NBAS: variants seen among roughly 807,000 people sequenced by gnomAD.
The protein encoded by NBAS is NAG/BC035112 fusion.
In NBAS, 219 loss-of-function variants were observed where a neutral mutation model predicts 302.5. The ratio of observed to expected loss-of-function variants is 0.72; its 90% CI spans 0.65 to 0.81. The LOEUF (loss-of-function observed/expected upper bound fraction) is 0.81. Among genes scored for constraint, NBAS ranks in the 30% least tolerant of loss-of-function variants. The pLI is 0.00. For synonymous variants in NBAS, 1,118 were observed against 1,021.6 expected (o/e 1.09, Z -1.80); for missense variants, 2,932 against 2,841.6 (o/e 1.03, Z -0.72).
the NBAS span, among the ~76,000 whole-genome samples, chr2:15,138,192 G>A: frequency 6.6e-5 from 10 of 152,236 alleles, no homozygotes; most frequent in East Asian, 1.9e-4. Flanking sequence ...GACAGCTAGC[G>A]AAAGTAAGAA....
the NBAS span, among the ~76,000 whole-genome samples, chr2:14,820,632 T>C: frequency 6.6e-6 from 1 of 152,186 alleles, no homozygotes; most frequent in Non-Finnish European, 1.5e-5. Flanking sequence ...CTATAGTCAA[T>C]AATAATTTAA....
chr2:15,190,368 G>C lies in NBAS; in HGVS notation c.6468C>G (p.Arg2156=). 2 of 1,613,952 alleles carry C rather than the reference G, an allele frequency of 1.2e-6. No individual in the cohort carries two copies. The highest frequency in any genetic ancestry group is 1.7e-6 in the Non-Finnish European group (2 of 1,179,898). The change falls in exon 49 of 52, where the codon CGC becomes CGG. Residue 2156 remains arginine, a synonymous_variant. Transcript: ENST00000281513. ...CCAGGAGTTCCATGAATAGACAGTA[G>C]CGGTTCTCTTCATTCTCAATGTCAG... ...DIADIENEEN[R]YCLFMELLES... is the part of the protein sequence containing the mutation.
At chr2:14,895,596 G>C in the NBAS span, among the ~76,000 whole-genome samples, 2 of 152,100 alleles carry the variant, frequency 1.3e-5, no homozygotes, top group Admixed American at 1.3e-4. Context: ...AAAATTAGCC[G>C]GGTGTGGTAG....
the NBAS span, among the ~76,000 whole-genome samples, chr2:15,011,839 A>C: frequency 6.6e-6 from 1 of 151,226 alleles, no homozygotes; most frequent in East Asian, 2.0e-4. Context: ...CTACACAGAG[A>C]CTACACTACT....
chr2:14,881,476 T>G, the NBAS span, among the ~76,000 whole-genome samples: 1 of 152,176 alleles, frequency 6.6e-6, no homozygotes, highest in South Asian at 2.1e-4. Context: ...CAATTACTCA[T>G]GTAACAAATC....
At chr2:15,473,171 G>T in intron 16 of NBAS, 51 bp downstream of exon 16, 1 of 1,593,836 alleles carries the variant, frequency 6.3e-7, no homozygotes, top group Non-Finnish European at 8.6e-7. Context: ...ATAAACAAAA[G>T]ATATTACATG....
At chr2:15,121,849 G>T in the NBAS span, among the ~76,000 whole-genome samples, 1 of 152,058 alleles carries the variant, frequency 6.6e-6, no homozygotes, top group Non-Finnish European at 1.5e-5. Flanking sequence ...ACAAATCGGG[G>T]TTTTGAAGTT....
chr2:14,895,612 G>C, the NBAS span, among the ~76,000 whole-genome samples: 1 of 152,028 alleles, frequency 6.6e-6, no homozygotes, highest in Admixed American at 6.5e-5. Flanking sequence ...GGTAGCGGGC[G>C]CCTGTAGTCC....
At chr2:14,871,747 T>C in the NBAS span, among the ~76,000 whole-genome samples, 1 of 152,162 alleles carries the variant, frequency 6.6e-6, no homozygotes, top group African/African-American at 2.4e-5. Flanking sequence ...ACTAAGATAA[T>C]CATTAAAATA....
At chr2:15,462,090 T>C (rs187485277) in intron 19 of NBAS, among the ~76,000 whole-genome samples, 1 of 152,352 alleles carries the variant, frequency 6.6e-6, no homozygotes, top group Non-Finnish European at 1.5e-5. Context: ...AAGCAACAGT[T>C]ATTCATGACA....
chr2:15,554,092 T>G lies in NBAS; in HGVS notation c.256A>C (p.Lys86Gln), dbSNP rs200344246. Residue 86 changes from lysine to glutamine, a missense_variant, in exon 4 of 52, where the codon AAA (lysine) becomes CAA (glutamine). Coordinates refer to ENST00000281513, the MANE Select transcript of NBAS (RefSeq NM_015909.4). ...LPDGLVRLVN[K>Q]QINWHLVLAS... ...AGTACCAAATGCCAGTTTATCTGTTTATTAACCAAGCGAACCAGTCCATCA... is the reference window on the plus strand; with the variant it reads ...AGTACCAAATGCCAGTTTATCTGTTGATTAACCAAGCGAACCAGTCCATCA... The G allele has an allele frequency of 6.8e-5, 109 of 1,613,918 alleles. No individual in the cohort carries two copies. Among genetic ancestry groups the G allele is most frequent in the Non-Finnish European group, 8.6e-5 (102 of 1,179,970 alleles).
the NBAS span, among the ~76,000 whole-genome samples, chr2:15,089,589 C>T: frequency 6.6e-6 from 1 of 152,148 alleles, no homozygotes; most frequent in South Asian, 2.1e-4. Context: ...GGACCCAGTA[C>T]AGTGACAGGG....
At chr2:15,252,214 T>C (rs1467352307) in intron 44 of NBAS, among the ~76,000 whole-genome samples, 3 of 152,130 alleles carry the variant, frequency 2.0e-5, no homozygotes, top group Admixed American at 6.5e-5. Context: ...AAAATGAACA[T>C]AGCGCCGGGC....
the NBAS span, among the ~76,000 whole-genome samples, chr2:15,112,835 TCTTC>T: frequency 6.6e-6 from 1 of 152,164 alleles, no homozygotes; most frequent in South Asian, 2.1e-4. Context: ...TCTCTTGAGC[TCTTC>T]CTTAAATATT....
Position 15,427,787 on chromosome 2 carries a change from C to T in NBAS, c.2347G>A (p.Gly783Ser), listed in dbSNP as rs757135784. 5.0e-6 allele frequency: 8 copies of T among 1,611,188 alleles called. No homozygotes were observed. The highest frequency in any genetic ancestry group is 4.0e-5 in the African/African-American group (3 of 74,790). ...SVLLPEACFN[G>S]DSLMIIPWHE... ...CAAGGAATGATCATCAGGGAGTCAC[C>T]GTTAAAACTCAAATTTAAAAAAAAA... The change falls in exon 22 of 52, where the codon GGT becomes AGT. Residue 783 changes from glycine (G) to serine (S), a missense_variant. Coordinates refer to ENST00000281513, the MANE Select transcript of NBAS (RefSeq NM_015909.4).
At chr2:15,375,536 G>A (rs771735525) in intron 30 of NBAS, among the ~76,000 whole-genome samples, 10 of 152,112 alleles carry the variant, frequency 6.6e-5, no homozygotes, top group East Asian at 1.9e-4. Flanking sequence ...GCCTGCTCTC[G>A]TAAAACTGGA....
chr2:15,284,223 C>T (rs1669945689), intron 42 of NBAS, among the ~76,000 whole-genome samples: 1 of 150,890 alleles, frequency 6.6e-6, no homozygotes, highest in Non-Finnish European at 1.5e-5. Flanking sequence ...TTATCTCTGA[C>T]AAGAGTGAAA....
chr2:14,840,595 C>G, the NBAS span, among the ~76,000 whole-genome samples: 220 of 152,044 alleles, frequency 1.4e-3, no homozygotes, highest in African/African-American at 4.5e-3. Context: ...TCCAAGGAAA[C>G]CATATAGCCC....
chr2:15,501,584 A>ATTTTTTTTTTTTTTTTTTTTTTT (rs70961416), intron 11 of NBAS, among the ~76,000 whole-genome samples: 3 of 107,228 alleles, frequency 2.8e-5, no homozygotes, highest in Non-Finnish European at 3.6e-5. Flanking sequence ...TGAACTAAAT[A>ATTTTTTTTTTTTTTTTTTTTTTT]TTTTTTTTTT....
Sources: allele counts gnomAD v4.1 joint callset (sites outside exome capture counted in the v4.1 genomes callset), GRCh38; gene constraint gnomAD v4.1.1; transcripts MANE v1.5; gene names NCBI Gene and HGNC (gene_info 2026-07-23, HGNC 2026-07-21).